PIBF1: variants seen among roughly 807,000 people sequenced by gnomAD.
PIBF1 encodes the protein progesterone-induced-blocking factor 1.
Under a neutral mutation model 112.5 loss-of-function variants are expected in PIBF1, and 90 were observed. That is an observed-to-expected ratio of 0.80 (90% CI 0.67 to 0.95). The LOEUF (loss-of-function observed/expected upper bound fraction) is 0.95, where lower values mean the gene tolerates loss of function less well. PIBF1 is among the 40% of genes least tolerant of loss of function. The pLI is 0.00. For synonymous variants in PIBF1, 301 were observed against 288.6 expected (o/e 1.04, Z -0.44); for missense variants, 915 against 852.3 (o/e 1.07, Z -0.92).
intron 14 of PIBF1, among the ~76,000 whole-genome samples, chr13:72,937,369 C>T (rs1300409762): frequency 2.0e-5 from 3 of 152,052 alleles, no homozygotes; most frequent in Admixed American, 6.6e-5. Flanking sequence ...AACTTATCAC[C>T]ATGTAGCTCC....
At chr13:72,881,689 G>A (rs1011321838) in intron 10 of PIBF1, among the ~76,000 whole-genome samples, 7 of 147,848 alleles carry the variant, frequency 4.7e-5, no homozygotes, top group South Asian at 4.3e-4. Context: ...TCACTCCAGC[G>A]TCAGTGACAG....
In PIBF1 at chr13:72,830,184, A is replaced by G. The variant is rs928926398; in HGVS notation, c.1097+2270A>G. Reference sequence around the variant, plus strand: ...CTTAAGGAGATTTTGGGCTGAGACAATGGGGTTTTCTAAATATACAATCAT... The same window carrying G: ...CTTAAGGAGATTTTGGGCTGAGACAGTGGGGTTTTCTAAATATACAATCAT... On this transcript the variant is annotated intron_variant, in intron 8 of 17. Coordinates refer to ENST00000326291, the MANE Select transcript of PIBF1 (RefSeq NM_006346.4). Among the ~76,000 whole-genome samples, 6 of 152,162 alleles carry G rather than the reference A, an allele frequency of 3.9e-5. No homozygotes were observed. The East Asian group carries it at 5.8e-4, about 15-fold the overall frequency.
intron 8 of PIBF1, 110 bp from the exon 9 acceptor site, chr13:72,835,133 A>G (rs2037297913): frequency 4.6e-6 from 3 of 646,374 alleles, no homozygotes; most frequent in Non-Finnish European, 7.2e-6. Flanking sequence ...TTTTCAGGTA[A>G]CACAGTTTAT....
At position 72,809,589 on chromosome 13, in the gene PIBF1, G is replaced by GTTT. The variant is rs34696804; in HGVS notation, c.672+11580_672+11582dup. ...AAATTTAATAGAAGGTTTTTTTTTG[G>GTTT]TTTTTTTTTTTTTTTTTTTGGAGAT... On this transcript the variant is annotated intron_variant, in intron 5 of 17. Coordinates refer to ENST00000326291, the MANE Select transcript of PIBF1 (RefSeq NM_006346.4). Among the ~76,000 whole-genome samples, 446 of 100,860 alleles carry GTTT rather than the reference G, an allele frequency of 4.4e-3. 7 individuals are homozygous for GTTT. The highest frequency in any genetic ancestry group is 7.9e-3 in the Non-Finnish European group (361 of 45,986). The allele number at this position is 100,860 out of a possible 152,430, so 66.2% of individuals were successfully genotyped here. A position where few individuals can be genotyped will look rare whatever the true frequency, so the allele number is the denominator to read the frequency against.
intron 5 of PIBF1, among the ~76,000 whole-genome samples, chr13:72,814,043 G>A (rs1001358733): frequency 4.6e-5 from 7 of 152,132 alleles, no homozygotes; most frequent in Non-Finnish European, 7.4e-5. Context: ...TGAGGGAATC[G>A]ATGTACAGTG....
intron 16 of PIBF1, among the ~76,000 whole-genome samples, chr13:72,984,140 A>G (rs2043219601): frequency 1.3e-5 from 2 of 152,192 alleles, no homozygotes; most frequent in Admixed American, 1.3e-4. Context: ...TTTAGGGACT[A>G]AAATGTTGCA....
chr13:72,876,976 A>T (rs1367597878), intron 10 of PIBF1, among the ~76,000 whole-genome samples: 1 of 152,158 alleles, frequency 6.6e-6, no homozygotes, highest in African/African-American at 2.4e-5. Flanking sequence ...TCTTAGTAGG[A>T]CAACTTCAGG....
chr13:73,004,583 A>G (rs2043974961), intron 17 of PIBF1, among the ~76,000 whole-genome samples: 1 of 152,100 alleles, frequency 6.6e-6, no homozygotes, highest in Non-Finnish European at 1.5e-5. Context: ...TAGGATGTCT[A>G]ATATGTATTT....
chr13:72,836,051 A>G, intron 9 of PIBF1: 2 of 438,178 alleles, frequency 4.6e-6, no homozygotes, highest in Non-Finnish European at 9.1e-6. Flanking sequence ...GTGAGCCGAG[A>G]TCGCACCACT....
chr13:72,950,805 CAG>C (rs1168328567), intron 14 of PIBF1, among the ~76,000 whole-genome samples: 4 of 152,106 alleles, frequency 2.6e-5, no homozygotes, highest in Non-Finnish European at 4.4e-5. Context: ...TGGGGAGAAA[CAG>C]AGATTTTTTG....
chr13:72,863,222 A>T (rs1382098926), intron 10 of PIBF1, among the ~76,000 whole-genome samples: 1 of 152,220 alleles, frequency 6.6e-6, no homozygotes, highest in Non-Finnish European at 1.5e-5. Flanking sequence ...AAGTAAAAAA[A>T]CAGAGACCAT....
At chr13:72,916,241 A>AT (rs2041087368) in intron 12 of PIBF1, among the ~76,000 whole-genome samples, 1 of 151,790 alleles carries the variant, frequency 6.6e-6, no homozygotes, top group Admixed American at 6.6e-5. Flanking sequence ...ATACAAAAAA[A>AT]ATTAGCCGGG....
chr13:72,875,498 A>G lies in PIBF1; in HGVS notation c.1323-18286A>G, dbSNP rs373624732. ...GTCAGTGTAGTGTGGGGGAAAAAAA[A>G]AAGAAGAAACCACCAAACTGTTTTC... On this transcript the variant is annotated intron_variant, in intron 10 of 17. Transcript: ENST00000326291. Among the ~76,000 whole-genome samples the G allele has an allele frequency of 7.2e-3, 1,101 of 152,286 alleles. 4 individuals are homozygous for G. Among genetic ancestry groups the G allele is most frequent in the Non-Finnish European group, 0.012 (822 of 67,996 alleles).
At chr13:72,977,422 G>A (rs2043051530) in intron 16 of PIBF1, among the ~76,000 whole-genome samples, 1 of 152,062 alleles carries the variant, frequency 6.6e-6, no homozygotes, top group Admixed American at 6.6e-5. Flanking sequence ...TGGCTAGACT[G>A]GTCTCAAACT....
At chr13:72,897,360 T>C (rs1200996610) in intron 11 of PIBF1, among the ~76,000 whole-genome samples, 2 of 152,034 alleles carry the variant, frequency 1.3e-5, no homozygotes, top group African/African-American at 4.8e-5. Context: ...AAAGCATAAA[T>C]CACACAGGAC....
chr13:72,975,148 C>G (rs933894691), intron 16 of PIBF1, among the ~76,000 whole-genome samples: 1 of 151,276 alleles, frequency 6.6e-6, no homozygotes, highest in African/African-American at 2.4e-5. Flanking sequence ...CTCTGCCTTC[C>G]GAGTTCAAGC....
At chr13:72,904,640 C>T (rs1038932003) in intron 11 of PIBF1, among the ~76,000 whole-genome samples, 1 of 151,086 alleles carries the variant, frequency 6.6e-6, no homozygotes, top group East Asian at 1.9e-4. Context: ...AGGGTTTTGC[C>T]GTGTTGGCCA....
chr13:72,955,402 T>G (rs1216135483), intron 14 of PIBF1, among the ~76,000 whole-genome samples: 1 of 152,022 alleles, frequency 6.6e-6, no homozygotes, highest in African/African-American at 2.4e-5. Context: ...TGTGTGTGTA[T>G]GTGCACATTA....
At chr13:72,852,311 G>C (rs566257080) in intron 9 of PIBF1, among the ~76,000 whole-genome samples, 7 of 152,338 alleles carry the variant, frequency 4.6e-5, no homozygotes, top group African/African-American at 1.7e-4. Flanking sequence ...CCCGGTGCCA[G>C]CAGTGGAAGC....
Sources: allele counts gnomAD v4.1 joint callset (sites outside exome capture counted in the v4.1 genomes callset), GRCh38; gene constraint gnomAD v4.1.1; transcripts MANE v1.5; gene names NCBI Gene and HGNC (gene_info 2026-07-23, HGNC 2026-07-21).